Variants in GORASP2 observed in about 807,000 individuals in gnomAD.
The protein encoded by GORASP2 is golgi reassembly stacking protein 2.
A neutral mutation model predicts 45.7 loss-of-function variants in GORASP2; 22 were observed. That is an observed-to-expected ratio of 0.48 (90% CI 0.34 to 0.69). The LOEUF is 0.69. GORASP2 is among the 30% of genes least tolerant of loss of function. GORASP2 has a pLI of 0.01. For missense variants in GORASP2, 491 were observed against 562.7 expected (o/e 0.87, Z 1.29); for synonymous variants, 221 against 215.6 (o/e 1.02, Z -0.22).
At chr2:170,934,718 TCTC>T (rs1339250650) in intron 1 of GORASP2, among the ~76,000 whole-genome samples, 2 of 152,076 alleles carry the variant, frequency 1.3e-5, no homozygotes, top group Non-Finnish European at 1.5e-5. Context: ...AGAATTGATC[TCTC>T]CTTTTTTTTC....
chr2:170,956,843 G>A (rs1364350636), intron 7 of GORASP2, among the ~76,000 whole-genome samples: 1 of 152,148 alleles, frequency 6.6e-6, no homozygotes, highest in Non-Finnish European at 1.5e-5. Flanking sequence ...GAGCCTTGGA[G>A]GTTGTGGCAG....
At chr2:170,932,624 A>G (rs1430691941) in intron 1 of GORASP2, among the ~76,000 whole-genome samples, 1 of 152,370 alleles carries the variant, frequency 6.6e-6, no homozygotes, top group South Asian at 2.1e-4. Context: ...CTGATCATCA[A>G]CATGTGTCCA....
At chr2:170,949,354 G>A (rs1456947380) in intron 2 of GORASP2, among the ~76,000 whole-genome samples, 185 bp from the exon 3 acceptor site, 2 of 152,176 alleles carry the variant, frequency 1.3e-5, no homozygotes, top group Non-Finnish European at 2.9e-5. Flanking sequence ...TCAAGTTGTT[G>A]CTAACGTAAG....
intron 8 of GORASP2, 121 bp downstream of exon 8, chr2:170,961,870 T>C: frequency 1.4e-6 from 1 of 718,298 alleles, no homozygotes; most frequent in Non-Finnish European, 2.6e-6. Flanking sequence ...AATCTCAGTT[T>C]ATCTCTGCAA....
At chr2:170,931,506 C>T (rs1332319243) in intron 1 of GORASP2, among the ~76,000 whole-genome samples, 1 of 152,178 alleles carries the variant, frequency 6.6e-6, no homozygotes, top group Non-Finnish European at 1.5e-5. Flanking sequence ...TGAATAAAAT[C>T]ACCCATATTC....
In GORASP2 at chr2:170,929,352, G is replaced by C; in HGVS notation, c.12G>C (p.Ser4=). The change falls in exon 1 of 10, where the codon TCG becomes TCC. Residue 4 remains serine (S), a synonymous_variant. Coordinates refer to ENST00000234160, the MANE Select transcript of GORASP2 (RefSeq NM_015530.5). MGS[S]QSVEIPGGGT... ...GATCGCCCGCCGCCATGGGCTCCTC[G>C]CAAAGCGTCGAGATCCCGGGCGGGG... The C allele has an allele frequency of 7.2e-7, 1 of 1,391,468 alleles. No homozygotes were observed. The allele number at this position is 1,391,468 out of a possible 1,614,324, so 86.2% of individuals were successfully genotyped here.
At position 170,966,723 on chromosome 2, in the gene GORASP2, T is replaced by G. The variant is rs1202973186; in HGVS notation, c.*593T>G. 1 of 154,572 alleles carries G rather than the reference T, an allele frequency of 6.5e-6. No individual in the cohort carries two copies. The highest frequency in any genetic ancestry group is 1.4e-5 in the Non-Finnish European group (1 of 69,368). 9.6% of individuals were successfully genotyped at this position (154,572 alleles called of 1,614,324 possible). A position where few individuals can be genotyped will look rare whatever the true frequency, so the allele number is the denominator to read the frequency against. ...CTTCAGCCTATACGCGGATCCTTGTTTTGAGCTCTCAGAATCACTCAGACA... is the reference window on the plus strand; with the variant it reads ...CTTCAGCCTATACGCGGATCCTTGTGTTGAGCTCTCAGAATCACTCAGACA... On this transcript the variant is annotated 3_prime_UTR_variant, in exon 10 of 10. Transcript: ENST00000234160.
rs190132432 is a variant in GORASP2, at chr2:170,961,568, G to A, written c.824-95G>A. 143 of 776,442 alleles carry A rather than the reference G, an allele frequency of 1.8e-4. 2 individuals are homozygous for A. Among genetic ancestry groups the A allele is most frequent in the Admixed American group, 9.0e-4 (52 of 57,500 alleles). The allele number at this position is 776,442 out of a possible 1,614,324, so 48.1% of individuals were successfully genotyped here. A position where few individuals can be genotyped will look rare whatever the true frequency, so the allele number is the denominator to read the frequency against. On this transcript the variant is annotated intron_variant, in intron 7 of 9. Coordinates refer to ENST00000234160, the MANE Select transcript of GORASP2 (RefSeq NM_015530.5). ...CGGGACCAAATGAAGACCTGACCAC[G>A]GGGCAAGGAGGGACTGCAGATTGTC...
chr2:170,929,382 C>T lies in GORASP2; in HGVS notation c.42C>T (p.Thr14=). The T allele has an allele frequency of 1.4e-6, 2 of 1,418,842 alleles. No homozygotes were observed. Among genetic ancestry groups the T allele is most frequent in the South Asian group, 1.6e-5 (1 of 63,752 alleles). The allele number at this position is 1,418,842 out of a possible 1,614,324, so 87.9% of individuals were successfully genotyped here. A position where few individuals can be genotyped will look rare whatever the true frequency, so the allele number is the denominator to read the frequency against. ...GCGTCGAGATCCCGGGCGGGGGCAC[C>T]GAGGGCTACCACGTTCTGCGGGTAA... ...SQSVEIPGGG[T]EGYHVLRVQE... Residue 14 remains threonine, a synonymous_variant, in exon 1 of 10, where the codon ACC becomes ACT. Coordinates refer to ENST00000234160, the MANE Select transcript of GORASP2 (RefSeq NM_015530.5).
At chr2:170,932,980 G>C (rs1401707435) in intron 1 of GORASP2, among the ~76,000 whole-genome samples, 2 of 152,042 alleles carry the variant, frequency 1.3e-5, no homozygotes, top group African/African-American at 4.8e-5. Context: ...TGAGTGCTTA[G>C]GAAAATAAAG....
chr2:170,948,606 G>A (rs920839493), intron 2 of GORASP2, 176 bp downstream of exon 2: 7 of 463,668 alleles, frequency 1.5e-5, no homozygotes, highest in Non-Finnish European at 2.6e-5. Flanking sequence ...TATACCTTAT[G>A]CTCCACTGAT....
intron 1 of GORASP2, among the ~76,000 whole-genome samples, chr2:170,947,790 G>T (rs1037849979): frequency 1.3e-5 from 2 of 152,130 alleles, no homozygotes; most frequent in Non-Finnish European, 2.9e-5. Flanking sequence ...GGAGAAAGTG[G>T]TGCAGAAATA....
At chr2:170,956,636 C>T in intron 7 of GORASP2, 77 bp downstream of exon 7, 1 of 1,227,572 alleles carries the variant, frequency 8.1e-7, no homozygotes, top group Non-Finnish European at 1.1e-6. Flanking sequence ...ATTGACCAGA[C>T]ACAGTGGCTC....
At chr2:170,943,135 A>T (rs184632924) in intron 1 of GORASP2, among the ~76,000 whole-genome samples, 77 of 152,276 alleles carry the variant, frequency 5.1e-4, no homozygotes, top group Non-Finnish European at 9.3e-4. Context: ...TGCAAACTTG[A>T]AGGTCTCAAA....
chr2:170,957,713 A>G (rs1291320197), intron 7 of GORASP2, among the ~76,000 whole-genome samples: 5 of 152,320 alleles, frequency 3.3e-5, no homozygotes, highest in East Asian at 1.9e-4. Context: ...TATACAATCC[A>G]GTGTTTTTTT....
chr2:170,956,945 A>T (rs1196767799), intron 7 of GORASP2, among the ~76,000 whole-genome samples: 4 of 152,306 alleles, frequency 2.6e-5, no homozygotes, highest in African/African-American at 7.2e-5. Context: ...AAAAATTTTT[A>T]AAAAAGAATT....
At chr2:170,929,885 G>C in intron 1 of GORASP2, 1 of 410,182 alleles carries the variant, frequency 2.4e-6, no homozygotes, top group Non-Finnish European at 5.2e-6. Flanking sequence ...CCTCGGCGCC[G>C]GCCGAGTGGC....
chr2:170,940,052 A>G (rs1182609852), intron 1 of GORASP2, among the ~76,000 whole-genome samples: 1 of 152,196 alleles, frequency 6.6e-6, no homozygotes, highest in African/African-American at 2.4e-5. Context: ...GCTTTTCTGC[A>G]TTTTATGTGT....
intron 6 of GORASP2, 30 bp downstream of exon 6, chr2:170,954,812 A>T: frequency 1.9e-6 from 3 of 1,583,300 alleles, no homozygotes; most frequent in Non-Finnish European, 2.6e-6. Context: ...TGAGTATATC[A>T]TAAAGTTTTT....
Sources: allele counts gnomAD v4.1 joint callset (sites outside exome capture counted in the v4.1 genomes callset), GRCh38; gene constraint gnomAD v4.1.1; transcripts MANE v1.5; gene names NCBI Gene and HGNC (gene_info 2026-07-23, HGNC 2026-07-21).